The following ZHX3 variants were observed in gnomAD, a reference collection of about 807,000 sequenced individuals.
The protein encoded by ZHX3 is zinc fingers and homeoboxes protein 3.
Under a neutral mutation model 64.5 loss-of-function variants are expected in ZHX3, and 20 were observed. That is an observed-to-expected ratio of 0.31 (90% CI 0.22 to 0.45). The LOEUF (loss-of-function observed/expected upper bound fraction) is 0.45, where lower values mean the gene tolerates loss of function less well. Among genes scored for constraint, ZHX3 ranks in the 20% least tolerant of loss-of-function variants. The probability of loss-of-function intolerance (pLI) is 1.00; values close to 1 mark genes in which losing one functional copy is unlikely to be tolerated. For synonymous variants in ZHX3, 423 were observed against 461.6 expected, an observed-to-expected ratio of 0.92 and a Z score of 1.07; for missense variants, 1,041 against 1,195.8, an observed-to-expected ratio of 0.87 and a Z score of 1.91.
At chr20:41,289,347 T>C (rs150777446) in intron 1 of ZHX3, among the ~76,000 whole-genome samples, 38 of 152,290 alleles carry the variant, frequency 2.5e-4, no homozygotes, top group African/African-American at 7.7e-4. Flanking sequence ...ACCAGGTCAT[T>C]GGTAAATAAC....
Position 41,306,277 on chromosome 20 carries a change from T to C in ZHX3, c.-245+11232A>G, listed in dbSNP as rs921737243. ...AGACACGGCTGATTACTCCCAACTA[T>C]ATTTGCATATATAGTAACTTGACCT... On this transcript the variant is annotated intron_variant, in intron 1 of 3. Coordinates refer to ENST00000683867, the MANE Select transcript of ZHX3 (RefSeq NM_001384317.1). Among the ~76,000 whole-genome samples, 3 of 152,250 alleles carry C rather than the reference T, an allele frequency of 2.0e-5. No homozygotes were observed. In the East Asian group the frequency reaches 5.8e-4, roughly 29 times the overall value.
In ZHX3 at chr20:41,182,159, T is replaced by A. The variant is rs1203702076; in HGVS notation, c.*3032A>T. On this transcript the variant is annotated 3_prime_UTR_variant, in exon 4 of 4. Coordinates refer to ENST00000683867, the MANE Select transcript of ZHX3 (RefSeq NM_001384317.1). The surrounding 1 kb of genome is among the most constrained non-coding windows in gnomAD (Gnocchi z 6.1). The stretch of plus-strand genomic sequence containing the variant: ...TCAGAATGATCATCTGGTTTCACCT[T>A]TGAGAACTCGATCTACAACCCCATG... The A allele has an allele frequency of 6.6e-6, 1 of 152,160 alleles. No homozygotes were observed. The highest frequency in any genetic ancestry group is 1.5e-5 in the Non-Finnish European group (1 of 68,018). The allele number at this position is 152,160 out of a possible 1,614,324, so 9.4% of individuals were successfully genotyped here. A position where few individuals can be genotyped will look rare whatever the true frequency, so the allele number is the denominator to read the frequency against.
intron 3 of ZHX3, among the ~76,000 whole-genome samples, chr20:41,193,096 G>T (rs1021616126): frequency 6.6e-6 from 1 of 152,126 alleles, no homozygotes; most frequent in Admixed American, 6.5e-5. Context: ...TATTCAAAGT[G>T]TGATTATCTA....
intron 1 of ZHX3, among the ~76,000 whole-genome samples, chr20:41,279,772 A>T (rs2043577827): frequency 6.6e-6 from 1 of 152,328 alleles, no homozygotes; most frequent in African/African-American, 2.4e-5. Context: ...GAATGACAGC[A>T]ATACTAAGAC....
At chr20:41,316,431 T>C (rs1013505352) in intron 1 of ZHX3, among the ~76,000 whole-genome samples, 2 of 152,234 alleles carry the variant, frequency 1.3e-5, no homozygotes, top group African/African-American at 4.8e-5. Context: ...GGATGCATTT[T>C]CTCTTAGTTT....
At position 41,219,556 on chromosome 20, in the gene ZHX3, A is replaced by G. The variant is rs2039796943; in HGVS notation, c.-150-14490T>C. On this transcript the variant is annotated intron_variant, in intron 2 of 3. Transcript: ENST00000683867. This position sits in a 1 kb window ranked among gnomAD's most constrained non-coding sequence, Gnocchi z 5.0. ...TTGTAGTAAGCACCAAAAACAACAA[A>G]ACCTTCCTATAAGTTTTATTTGCTA... 6.6e-6 allele frequency among the ~76,000 whole-genome samples: 1 copy of G among 152,212 alleles called. No homozygotes were observed. Among genetic ancestry groups the G allele is most frequent in the African/African-American group, 2.4e-5 (1 of 41,450 alleles).
At chr20:41,197,826 G>A (rs1207587596) in intron 3 of ZHX3, among the ~76,000 whole-genome samples, 1 of 151,878 alleles carries the variant, frequency 6.6e-6, no homozygotes, top group Admixed American at 6.6e-5. Flanking sequence ...TAATTTGTTA[G>A]TTTTACTATT....
chr20:41,246,792 G>A (rs2041711048), intron 2 of ZHX3, among the ~76,000 whole-genome samples: 1 of 151,476 alleles, frequency 6.6e-6, no homozygotes, highest in South Asian at 2.1e-4. Flanking sequence ...AGAATCACTC[G>A]AACCCAGGAG....
chr20:41,282,239 C>T (rs1338424703), intron 1 of ZHX3, among the ~76,000 whole-genome samples: 1 of 152,106 alleles, frequency 6.6e-6, no homozygotes, highest in Non-Finnish European at 1.5e-5. Context: ...CTGCAAATGC[C>T]AAAGGCAATC....
chr20:41,283,646 A>C (rs903118869), intron 1 of ZHX3, among the ~76,000 whole-genome samples: 3 of 151,974 alleles, frequency 2.0e-5, no homozygotes, highest in Non-Finnish European at 4.4e-5. Context: ...TATCCCAGCT[A>C]CTCAGGAGGC....
intron 3 of ZHX3, among the ~76,000 whole-genome samples, chr20:41,198,964 T>C (rs1427824454): frequency 3.3e-5 from 5 of 152,138 alleles, no homozygotes; most frequent in Admixed American, 3.3e-4. Context: ...AATTATTTTC[T>C]CTTCAAATTC....
chr20:41,299,680 G>A (rs1271628570), intron 1 of ZHX3, among the ~76,000 whole-genome samples: 6 of 151,860 alleles, frequency 4.0e-5, no homozygotes, highest in Admixed American at 1.3e-4. Flanking sequence ...TTGCCAACAC[G>A]GCGAAACCCT....
intron 1 of ZHX3, among the ~76,000 whole-genome samples, chr20:41,295,207 G>T (rs1468151973): frequency 6.6e-6 from 1 of 152,092 alleles, no homozygotes. Context: ...CTAGTTGCCT[G>T]AGATGCAAAT....
At position 41,184,971 on chromosome 20, in the gene ZHX3, G is replaced by A; in HGVS notation, c.*220C>T. On this transcript the variant is annotated 3_prime_UTR_variant, in exon 4 of 4. Coordinates refer to ENST00000683867, the MANE Select transcript of ZHX3 (RefSeq NM_001384317.1). Reference sequence around the variant, plus strand: ...GAAAGGTCCTACATTGTGGGAGGAAGAACTGATGAGAACCCCATCTTGCTT... The same window carrying A: ...GAAAGGTCCTACATTGTGGGAGGAAAAACTGATGAGAACCCCATCTTGCTT... 1 of 1,548,720 alleles carries A rather than the reference G, an allele frequency of 6.5e-7. No individual in the cohort carries two copies. Among genetic ancestry groups the A allele is most frequent in the South Asian group, 1.2e-5 (1 of 84,062 alleles).
rs557440521 is a variant in ZHX3 at position 41,183,508 on chromosome 20, T to C, written c.*1683A>G. The C allele has an allele frequency of 6.6e-5, 10 of 152,370 alleles. No homozygotes were observed. Among genetic ancestry groups the C allele is most frequent in the African/African-American group, 2.4e-4 (10 of 41,594 alleles). 9.4% of individuals were successfully genotyped at this position (152,370 alleles called of 1,614,324 possible). A position where few individuals can be genotyped will look rare whatever the true frequency, so the allele number is the denominator to read the frequency against. On this transcript the variant is annotated 3_prime_UTR_variant, in exon 4 of 4. Coordinates refer to ENST00000683867, the MANE Select transcript of ZHX3 (RefSeq NM_001384317.1). This position sits in a 1 kb window ranked among gnomAD's most constrained non-coding sequence, Gnocchi z 5.3. ...AGGCAGAAGGGGCCACCGCCATGCT[T>C]GTCCTTGGAGCCACATGAGCACGGT...
chr20:41,289,678 A>G (rs2044127223), intron 1 of ZHX3, among the ~76,000 whole-genome samples: 1 of 151,886 alleles, frequency 6.6e-6, no homozygotes, highest in Admixed American at 6.6e-5. Flanking sequence ...AGCTTTAACA[A>G]TGTTATTTAA....
rs976058575 is a variant in ZHX3 at position 41,291,842 on chromosome 20, G to A, written c.-244-22759C>T. Among the ~76,000 whole-genome samples the A allele has an allele frequency of 2.3e-4, 35 of 151,692 alleles. 1 individual carries two copies. Among genetic ancestry groups the A allele is most frequent in the African/African-American group, 8.5e-4 (35 of 41,384 alleles). On this transcript the variant is annotated intron_variant, in intron 1 of 3. Coordinates refer to ENST00000683867, the MANE Select transcript of ZHX3 (RefSeq NM_001384317.1). ...TATTAGATGATATTAAAGAACTATT[G>A]TTATTTAGGGGTAAGTTAATGGCAC...
At chr20:41,194,960 A>G (rs755290591) in intron 3 of ZHX3, among the ~76,000 whole-genome samples, 13 of 151,998 alleles carry the variant, frequency 8.6e-5, no homozygotes, top group Non-Finnish European at 1.3e-4. Flanking sequence ...ATTCTTATTT[A>G]AAGGTTTGTC....
Position 41,316,843 on chromosome 20 carries a change from A to G in ZHX3, c.-245+666T>C, listed in dbSNP as rs537901315. ...AATCCCAAACTGGGAAGGCTTAACA[A>G]GCTCCAAACTCCACTCACACGCCAC... On this transcript the variant is annotated intron_variant, in intron 1 of 3. Coordinates refer to ENST00000683867, the MANE Select transcript of ZHX3 (RefSeq NM_001384317.1). 141 of 152,372 alleles carry G rather than the reference A, an allele frequency of 9.3e-4. 1 individual carries two copies. Among genetic ancestry groups the G allele is most frequent in the African/African-American group, 3.1e-3 (128 of 41,566 alleles). 9.4% of individuals were successfully genotyped at this position (152,372 alleles called of 1,614,324 possible).
Sources: allele counts gnomAD v4.1 joint callset (sites outside exome capture counted in the v4.1 genomes callset), GRCh38; gene constraint gnomAD v4.1.1; non-coding constraint Gnocchi (gnomAD v3.1); transcripts MANE v1.5; gene names NCBI Gene and HGNC (gene_info 2026-07-23, HGNC 2026-07-21).